LRRIQ1: variants seen among roughly 807,000 people sequenced by gnomAD.
The protein encoded by LRRIQ1 is leucine-rich repeat- and IQ domain-containing protein 1.
Under a neutral mutation model 211.9 loss-of-function variants are expected in LRRIQ1, and 210 were observed. The ratio of observed to expected loss-of-function variants is 0.99; its 90% CI spans 0.89 to 1.11. The LOEUF is 1.11. Ranked by LOEUF, LRRIQ1 falls within the 50% of genes most tolerant of loss-of-function variation. The pLI is 0.00. For synonymous variants in LRRIQ1, 699 were observed against 650.1 expected (o/e 1.08, Z -1.14); for missense variants, 2,136 against 1,939.5 (o/e 1.10, Z -1.90).
intron 24 of LRRIQ1, among the ~76,000 whole-genome samples, chr12:85,217,751 G>GTA (rs965392261): frequency 2.8e-5 from 3 of 108,270 alleles, no homozygotes; most frequent in Non-Finnish European, 4.8e-5. Flanking sequence ...TAATGTGTGT[G>GTA]TATATATATA....
chr12:85,101,100 A>G (rs181342726), intron 13 of LRRIQ1, among the ~76,000 whole-genome samples: 52 of 151,894 alleles, frequency 3.4e-4, no homozygotes, highest in African/African-American at 1.3e-3. Context: ...ATGATCCAAG[A>G]GGAAAGGGAG....
intron 11 of LRRIQ1, 55 bp downstream of exon 11, chr12:85,073,153 A>T: frequency 7.4e-7 from 1 of 1,350,438 alleles, no homozygotes; most frequent in African/African-American, 1.5e-5. Context: ...TAGAGGAGGT[A>T]TGGGGAGGGT....
intron 11 of LRRIQ1, among the ~76,000 whole-genome samples, chr12:85,090,277 A>G (rs1247195047): frequency 6.6e-6 from 1 of 152,206 alleles, no homozygotes. Flanking sequence ...CTACCAAAGT[A>G]GGGCAGAGGG....
chr12:85,070,669 G>A (rs1456145001), intron 10 of LRRIQ1, among the ~76,000 whole-genome samples: 1 of 151,768 alleles, frequency 6.6e-6, no homozygotes, highest in Non-Finnish European at 1.5e-5. Flanking sequence ...GAATATTTCA[G>A]TCAGTTGCTC....
chr12:85,173,662 A>G (rs1463234673), intron 24 of LRRIQ1, among the ~76,000 whole-genome samples: 1 of 148,348 alleles, frequency 6.7e-6, no homozygotes, highest in Non-Finnish European at 1.5e-5. Flanking sequence ...CACACACAGA[A>G]AGAGAGAGAG....
chr12:85,166,062 C>A (rs1462527855), intron 24 of LRRIQ1, among the ~76,000 whole-genome samples: 3 of 152,148 alleles, frequency 2.0e-5, no homozygotes, highest in African/African-American at 7.2e-5. Flanking sequence ...GAGAACCTCC[C>A]CACAGAGCCT....
At chr12:85,054,475 G>C (rs1880738348) in intron 7 of LRRIQ1, among the ~76,000 whole-genome samples, 2 of 152,054 alleles carry the variant, frequency 1.3e-5, no homozygotes. Flanking sequence ...GCTTTTTGTT[G>C]TTGTTTTTAA....
chr12:85,180,911 A>G (rs970640613), intron 24 of LRRIQ1, among the ~76,000 whole-genome samples: 1 of 151,770 alleles, frequency 6.6e-6, no homozygotes, highest in Non-Finnish European at 1.5e-5. Context: ...TCAATTTTCA[A>G]TGGAAAGGAA....
At chr12:85,196,543 C>A (rs1489033427) in intron 24 of LRRIQ1, among the ~76,000 whole-genome samples, 23 of 152,198 alleles carry the variant, frequency 1.5e-4, no homozygotes, top group Non-Finnish European at 3.2e-4. Flanking sequence ...ACTATCTGAT[C>A]TTTGACAAAC....
chr12:85,245,161 C>A (rs374860809), downstream of LRRIQ1: 3 of 620,586 alleles, frequency 4.8e-6, no homozygotes, highest in African/African-American at 5.7e-5. Flanking sequence ...CTGCCCCCCA[C>A]ACCCTGTGAA....
At chr12:85,160,744 G>A in intron 24 of LRRIQ1, 30 bp downstream of exon 24, 1 of 1,197,446 alleles carries the variant, frequency 8.4e-7, no homozygotes, top group Non-Finnish European at 1.2e-6. Context: ...ACATAGAGAG[G>A]TAAAAAGATA....
chr12:85,270,722 T>A, the LRRIQ1 span, among the ~76,000 whole-genome samples: 1 of 152,312 alleles, frequency 6.6e-6, no homozygotes, highest in African/African-American at 2.4e-5. Context: ...GACCAGGCAC[T>A]GTTCTAAATG....
chr12:85,114,179 C>T (rs1229292439), intron 15 of LRRIQ1, among the ~76,000 whole-genome samples: 2 of 152,032 alleles, frequency 1.3e-5, no homozygotes, highest in Non-Finnish European at 2.9e-5. Flanking sequence ...ATAATTACAT[C>T]TAAAAGGCAC....
intron 24 of LRRIQ1, among the ~76,000 whole-genome samples, chr12:85,175,916 A>G (rs932862958): frequency 9.9e-5 from 15 of 151,958 alleles, no homozygotes; most frequent in African/African-American, 3.1e-4. Flanking sequence ...TAGCCTTGTA[A>G]TATAGTTTGA....
At chr12:85,157,607 C>G (rs61930048) in intron 23 of LRRIQ1, among the ~76,000 whole-genome samples, 529 of 151,952 alleles carry the variant, frequency 3.5e-3, no homozygotes, top group Non-Finnish European at 6.1e-3. Context: ...TGAAGAAGAT[C>G]CTGTGTAAGG....
chr12:85,235,116 G>C (rs1895113309), intron 26 of LRRIQ1, among the ~76,000 whole-genome samples: 1 of 152,152 alleles, frequency 6.6e-6, no homozygotes, highest in Admixed American at 6.6e-5. Context: ...GAGGAAACTA[G>C]TAAATAACAT....
intron 13 of LRRIQ1, among the ~76,000 whole-genome samples, chr12:85,101,852 AT>A (rs1226425555): frequency 6.6e-6 from 1 of 151,638 alleles, no homozygotes; most frequent in Non-Finnish European, 1.5e-5. Flanking sequence ...AGATTTATTG[AT>A]TTTTGATTCT....
At chr12:85,126,074 T>C (rs1486886849) in intron 17 of LRRIQ1, among the ~76,000 whole-genome samples, 1 of 152,156 alleles carries the variant, frequency 6.6e-6, no homozygotes, top group African/African-American at 2.4e-5. Context: ...ATGATCATGA[T>C]GATGATCATG....
rs1396830568 is a variant in LRRIQ1, at chr12:85,072,917, C to T, written c.2706C>T (p.Phe902=). ...YNKITRIGYS[F]FLEEKLVDNA... The stretch of plus-strand genomic sequence containing the variant: ...TGTCATCCTACTCAGGATATTCCTT[C>T]TTTCTGGAAGAAAAACTTGTTGACA... The change falls in exon 11 of 27, where the codon TTC becomes TTT. Residue 902 remains phenylalanine (F), a synonymous_variant. Transcript: ENST00000393217. 3 of 1,607,020 alleles carry T rather than the reference C, an allele frequency of 1.9e-6. No individual in the cohort carries two copies. Among genetic ancestry groups the T allele is most frequent in the Admixed American group, 1.7e-5 (1 of 58,682 alleles).
Sources: gnomAD v4.1 joint callset for allele counts (sites outside exome capture counted in the v4.1 genomes callset) on GRCh38, gnomAD v4.1.1 for gene constraint, MANE v1.5 for transcripts, NCBI Gene and HGNC (gene_info 2026-07-23, HGNC 2026-07-21) for gene names.